Variants in BTBD9 observed in about 807,000 individuals in gnomAD.
BTBD9 encodes BTB/POZ domain-containing protein 9.
A neutral mutation model predicts 64.3 loss-of-function variants in BTBD9; 49 were observed. That is an observed-to-expected ratio of 0.76 (90% CI 0.61 to 0.97). BTBD9 has a LOEUF of 0.97. BTBD9 is among the 50% of genes least tolerant of loss of function. BTBD9 has a pLI of 0.00. For synonymous variants in BTBD9, 260 were observed against 274.7 expected (o/e 0.95, Z 0.53); for missense variants, 598 against 762.1 (o/e 0.78, Z 2.53).
chr6:38,206,907 T>C (rs1179707233), intron 9 of BTBD9, among the ~76,000 whole-genome samples: 2 of 151,938 alleles, frequency 1.3e-5, no homozygotes, highest in African/African-American at 4.8e-5. Flanking sequence ...AGTCTGACCA[T>C]GTGTTATATT....
At chr6:38,550,781 T>TA (rs1259243361) in intron 6 of BTBD9, among the ~76,000 whole-genome samples, 4 of 152,220 alleles carry the variant, frequency 2.6e-5, no homozygotes, top group African/African-American at 9.6e-5. Flanking sequence ...TCTGCCCTTA[T>TA]ACAACCTATG....
intron 6 of BTBD9, among the ~76,000 whole-genome samples, chr6:38,366,889 A>G (rs978733350): frequency 6.6e-6 from 1 of 152,256 alleles, no homozygotes; most frequent in African/African-American, 2.4e-5. Flanking sequence ...ATTTCGCTGC[A>G]TCGGTCTTTG....
chr6:38,619,131 T>C (rs1209500984), intron 1 of BTBD9, among the ~76,000 whole-genome samples: 1 of 152,186 alleles, frequency 6.6e-6, no homozygotes, highest in Non-Finnish European at 1.5e-5. Context: ...TAAGAAAATA[T>C]ACTCCTCTGT....
intron 8 of BTBD9, among the ~76,000 whole-genome samples, chr6:38,281,479 T>C (rs1322257754): frequency 6.6e-6 from 1 of 152,232 alleles, no homozygotes; most frequent in Non-Finnish European, 1.5e-5. Flanking sequence ...TACTTCTTTT[T>C]ATCTACTTAA....
intron 6 of BTBD9, among the ~76,000 whole-genome samples, chr6:38,470,271 C>A (rs1770590862): frequency 6.6e-6 from 1 of 152,150 alleles, no homozygotes; most frequent in African/African-American, 2.4e-5. Flanking sequence ...AAGTGGAGAA[C>A]CTAGCCATGA....
chr6:38,380,327 C>A (rs569113169), intron 6 of BTBD9, among the ~76,000 whole-genome samples: 9 of 152,050 alleles, frequency 5.9e-5, no homozygotes, highest in Non-Finnish European at 1.0e-4. Flanking sequence ...GAAAAATGAT[C>A]CCAGAAGGAA....
intron 6 of BTBD9, among the ~76,000 whole-genome samples, chr6:38,533,553 A>G (rs181775693): frequency 2.6e-5 from 4 of 152,336 alleles, no homozygotes; most frequent in Admixed American, 1.3e-4. Flanking sequence ...CCTAATAAAT[A>G]CTTACAGAAA....
At position 38,598,761 on chromosome 6, in the gene BTBD9, T is replaced by C. The variant is rs1241045210; in HGVS notation, c.-27-640A>G. Reference sequence around the variant, plus strand: ...GGAGAAACCCCATCTCTACTAAAAATACAAAATTAGCTGGGCCTGGTGGCG... The same window carrying C: ...GGAGAAACCCCATCTCTACTAAAAACACAAAATTAGCTGGGCCTGGTGGCG... On this transcript the variant is annotated intron_variant, in intron 1 of 10. Transcript: ENST00000481247. Among the ~76,000 whole-genome samples the C allele has an allele frequency of 2.0e-5, 3 of 151,714 alleles. 1 individual carries two copies. Among genetic ancestry groups the C allele is most frequent in the South Asian group, 4.2e-4 (2 of 4,798 alleles).
At chr6:38,412,390 C>A (rs1767466600) in intron 6 of BTBD9, among the ~76,000 whole-genome samples, 1 of 152,016 alleles carries the variant, frequency 6.6e-6, no homozygotes, top group Non-Finnish European at 1.5e-5. Flanking sequence ...AAAGCTCTCA[C>A]CAACTAGATC....
chr6:38,228,925 A>C lies in BTBD9; in HGVS notation c.1562+27484T>G, dbSNP rs560538058. Among the ~76,000 whole-genome samples the C allele has an allele frequency of 2.0e-5, 3 of 152,048 alleles. No individual in the cohort carries two copies. In the East Asian group the frequency reaches 5.8e-4, roughly 29 times the overall value. On this transcript the variant is annotated intron_variant, in intron 9 of 10. Coordinates refer to ENST00000481247, the MANE Select transcript of BTBD9 (RefSeq NM_001099272.2). The stretch of plus-strand genomic sequence containing the variant: ...AACAAAAACAGTCTCTAGGCTGGGC[A>C]TGGTGGCTTACGCCTGTAATCCCAG...
intron 7 of BTBD9, among the ~76,000 whole-genome samples, chr6:38,311,574 T>C (rs1762836388): frequency 6.6e-6 from 1 of 152,218 alleles, no homozygotes; most frequent in Non-Finnish European, 1.5e-5. Flanking sequence ...TATACTGATT[T>C]CCTTTCTTTT....
At chr6:38,231,071 T>C (rs1414211010) in intron 9 of BTBD9, among the ~76,000 whole-genome samples, 3 of 152,206 alleles carry the variant, frequency 2.0e-5, no homozygotes, top group Admixed American at 6.5e-5. Flanking sequence ...GTGAGAATTA[T>C]AGAATTGGGA....
chr6:38,484,793 T>C (rs945219759), intron 6 of BTBD9, among the ~76,000 whole-genome samples: 3 of 152,216 alleles, frequency 2.0e-5, no homozygotes, highest in Non-Finnish European at 4.4e-5. Context: ...ATCATCTGAG[T>C]CTCAAGTGAG....
intron 8 of BTBD9, among the ~76,000 whole-genome samples, chr6:38,257,978 A>T (rs1764653883): frequency 1.3e-5 from 2 of 151,932 alleles, no homozygotes; most frequent in Non-Finnish European, 2.9e-5. Context: ...CATTAAAAAA[A>T]AAATATATAT....
chr6:38,365,020 AGGTATTTTTAGGACT>A (rs1226782185), intron 6 of BTBD9, among the ~76,000 whole-genome samples: 4 of 152,218 alleles, frequency 2.6e-5, no homozygotes, highest in Non-Finnish European at 5.9e-5. Flanking sequence ...CAGTCTCCAA[AGGTATTTTTAGGACT>A]AGGCTAAATA....
At chr6:38,180,786 C>A (rs1277247547) in intron 10 of BTBD9, among the ~76,000 whole-genome samples, 3 of 152,240 alleles carry the variant, frequency 2.0e-5, no homozygotes, top group Admixed American at 6.5e-5. Flanking sequence ...CACAAAGGGG[C>A]GCCTTCGCTG....
chr6:38,516,879 T>C lies in BTBD9; in HGVS notation c.1154+60721A>G, dbSNP rs72853439. 7.2e-3 allele frequency among the ~76,000 whole-genome samples: 1,090 copies of C among 152,324 alleles called. 5 individuals carry two copies. The highest frequency in any genetic ancestry group is 0.012 in the Non-Finnish European group (811 of 68,028). ...ACATTATTTCCTTCATTCCATCAGA[T>C]TGTGCCTCTTCTGCCACCAACTCAA... On this transcript the variant is annotated intron_variant, in intron 6 of 10. Coordinates refer to ENST00000481247, the MANE Select transcript of BTBD9 (RefSeq NM_001099272.2).
intron 6 of BTBD9, among the ~76,000 whole-genome samples, chr6:38,428,608 G>C (rs1383730916): frequency 6.6e-6 from 1 of 151,598 alleles, no homozygotes; most frequent in Non-Finnish European, 1.5e-5. Flanking sequence ...AACAGTGTTT[G>C]ATACAAAGCT....
At chr6:38,407,736 C>A (rs1270770855) in intron 6 of BTBD9, among the ~76,000 whole-genome samples, 2 of 152,128 alleles carry the variant, frequency 1.3e-5, no homozygotes, top group African/African-American at 4.8e-5. Flanking sequence ...TGGGTATTTT[C>A]ACAATGTTTT....
Sources: allele counts gnomAD v4.1 joint callset (sites outside exome capture counted in the v4.1 genomes callset), GRCh38; gene constraint gnomAD v4.1.1; transcripts MANE v1.5; gene names NCBI Gene and HGNC (gene_info 2026-07-23, HGNC 2026-07-21).